LINGO2: variants seen among roughly 807,000 people sequenced by gnomAD.
The protein encoded by LINGO2 is leucine-rich repeat and immunoglobulin-like domain-containing nogo receptor-interacting protein 2.
LINGO2 carries 14 observed loss-of-function variants against 30.6 expected under a neutral mutation model. The observed-to-expected ratio is 0.46, with a 90% CI of 0.30 to 0.72. LINGO2 has a LOEUF of 0.72. LINGO2 is among the 30% of genes least tolerant of loss of function. The probability of loss-of-function intolerance (pLI) is 0.07; values close to 1 mark genes in which losing one functional copy is unlikely to be tolerated. For missense variants in LINGO2, 729 were observed against 751.7 expected, an observed-to-expected ratio of 0.97 and a Z score of 0.35; for synonymous variants, 317 against 288.5, an observed-to-expected ratio of 1.10 and a Z score of -1.00.
At chr9:28,184,972 A>G (rs1193965378) in intron 4 of LINGO2, among the ~76,000 whole-genome samples, 1 of 152,118 alleles carries the variant, frequency 6.6e-6, no homozygotes, top group Non-Finnish European at 1.5e-5. Flanking sequence ...ACAAAAAAAA[A>G]TCTTCTTCCA....
intron 2 of LINGO2, among the ~76,000 whole-genome samples, chr9:28,418,588 TTTATACCTAAGGGTCAG>T (rs1303549726): frequency 6.6e-6 from 1 of 152,106 alleles, no homozygotes; most frequent in Non-Finnish European, 1.5e-5. Flanking sequence ...GCAATTTACA[TTTATACCTAAGGGTCAG>T]TTGCCTTATT....
the LINGO2 span, among the ~76,000 whole-genome samples, chr9:29,090,151 T>G: frequency 4.6e-5 from 7 of 152,040 alleles, no homozygotes; most frequent in Non-Finnish European, 1.0e-4. Context: ...TATAGAGAGA[T>G]TCTTCTCCCA....
the LINGO2 span, among the ~76,000 whole-genome samples, chr9:29,118,940 G>A: frequency 6.6e-6 from 1 of 152,100 alleles, no homozygotes; most frequent in Admixed American, 6.6e-5. Context: ...TCCTAAAGAA[G>A]TTCTATTACC....
At chr9:29,186,276 T>C in the LINGO2 span, among the ~76,000 whole-genome samples, 3 of 152,236 alleles carry the variant, frequency 2.0e-5, no homozygotes, top group East Asian at 5.8e-4. Context: ...CTCTGCTTTT[T>C]CTTCAATTTT....
chr9:28,910,237 G>A, the LINGO2 span, among the ~76,000 whole-genome samples: 5 of 151,650 alleles, frequency 3.3e-5, no homozygotes, highest in African/African-American at 4.8e-5. Flanking sequence ...GCATAAAATC[G>A]ATTTTGATTT....
the LINGO2 span, among the ~76,000 whole-genome samples, chr9:28,873,673 A>C: frequency 6.6e-6 from 1 of 152,064 alleles, no homozygotes; most frequent in Non-Finnish European, 1.5e-5. Context: ...TATTTTAATT[A>C]TTCAAGTTAT....
chr9:28,286,424 A>G (rs1317389439), intron 4 of LINGO2, among the ~76,000 whole-genome samples: 1 of 152,242 alleles, frequency 6.6e-6, no homozygotes, highest in Non-Finnish European at 1.5e-5. Context: ...ACTTAAAGAC[A>G]GAAATACCAT....
the LINGO2 span, among the ~76,000 whole-genome samples, chr9:28,950,846 C>A: frequency 6.6e-6 from 1 of 152,054 alleles, no homozygotes; most frequent in Non-Finnish European, 1.5e-5. Flanking sequence ...TAGATTCACA[C>A]TATCCCCATC....
At chr9:29,013,643 A>G in the LINGO2 span, among the ~76,000 whole-genome samples, 2 of 152,172 alleles carry the variant, frequency 1.3e-5, no homozygotes, top group African/African-American at 4.8e-5. Flanking sequence ...CTTGTAGTCT[A>G]GTAGTTGACA....
At chr9:28,771,597 T>C in the LINGO2 span, among the ~76,000 whole-genome samples, 1 of 152,022 alleles carries the variant, frequency 6.6e-6, no homozygotes, top group Admixed American at 6.6e-5. Context: ...TTGTGAATTT[T>C]GTGAACAAGA....
At chr9:28,942,387 T>A in the LINGO2 span, among the ~76,000 whole-genome samples, 1 of 152,104 alleles carries the variant, frequency 6.6e-6, no homozygotes, top group African/African-American at 2.4e-5. Flanking sequence ...GGGTGCCAGG[T>A]GGGTGTACCA....
chr9:28,048,652 AAAC>A (rs1225869468), intron 4 of LINGO2, among the ~76,000 whole-genome samples: 1 of 150,884 alleles, frequency 6.6e-6, no homozygotes, highest in Non-Finnish European at 1.5e-5. Flanking sequence ...ATTATTCAAC[AAAC>A]AATATATGCA....
At chr9:28,003,346 G>T (rs10968267) in intron 5 of LINGO2, among the ~76,000 whole-genome samples, 12,024 of 81,578 alleles carry the variant, frequency 0.15, 671 homozygotes, top group East Asian at 0.49. Context: ...TAGATATATA[G>T]ATAGATAGAT....
chr9:29,184,146 G>A, the LINGO2 span, among the ~76,000 whole-genome samples: 2 of 152,098 alleles, frequency 1.3e-5, no homozygotes, highest in Admixed American at 6.6e-5. Flanking sequence ...GTGCTCTGCT[G>A]TCATAAAAAC....
intron 4 of LINGO2, among the ~76,000 whole-genome samples, chr9:28,025,545 A>G (rs539369492): frequency 6.6e-6 from 1 of 152,214 alleles, no homozygotes. Context: ...CTTCCAAAGC[A>G]TAAAACAAGC....
At position 28,307,659 on chromosome 9, in the gene LINGO2, A is replaced by G. The variant is rs1035423924; in HGVS notation, c.-245-12293T>C. ...CAAATTGTCCCTGTTTGCAGATGAC[A>G]TGATTGTATATCTAGAAAACCCCAT... On this transcript the variant is annotated intron_variant, in intron 3 of 5. Coordinates refer to ENST00000379992, the Ensembl canonical transcript of LINGO2. Among the ~76,000 whole-genome samples the G allele has an allele frequency of 7.4e-3, 1,131 of 152,296 alleles. 20 individuals carry two copies. The highest frequency in any genetic ancestry group is 0.025 in the African/African-American group (1,028 of 41,556).
intron 1 of LINGO2, among the ~76,000 whole-genome samples, chr9:28,584,280 G>A (rs1261205491): frequency 6.6e-6 from 1 of 151,872 alleles, no homozygotes; most frequent in Non-Finnish European, 1.5e-5. Flanking sequence ...ATTCAGTATT[G>A]TTCAATTCTT....
At chr9:29,032,981 G>C in the LINGO2 span, among the ~76,000 whole-genome samples, 2 of 152,022 alleles carry the variant, frequency 1.3e-5, no homozygotes, top group Non-Finnish European at 2.9e-5. Flanking sequence ...GAATGAATTT[G>C]ATTACAATTA....
the LINGO2 span, among the ~76,000 whole-genome samples, chr9:28,967,574 T>C: frequency 3.7e-3 from 558 of 152,278 alleles, 2 homozygotes; most frequent in African/African-American, 0.013. Context: ...GTTATTACTG[T>C]TGAATTTCTG....
Sources: gnomAD v4.1 joint callset for allele counts (sites outside exome capture counted in the v4.1 genomes callset) on GRCh38, gnomAD v4.1.1 for gene constraint, MANE v1.5 for transcripts, NCBI Gene and HGNC (gene_info 2026-07-23, HGNC 2026-07-21) for gene names.